EDARADD: variants seen among roughly 807,000 people sequenced by gnomAD.
EDARADD encodes ectodysplasin-A receptor-associated adapter protein.
Under a neutral mutation model 25.6 loss-of-function variants are expected in EDARADD, and 20 were observed. That is an observed-to-expected ratio of 0.78 (90% confidence interval 0.55 to 1.14). The LOEUF is 1.14. Ranked by LOEUF, EDARADD falls within the 50% of genes most tolerant of loss-of-function variation. The pLI is 0.00. For synonymous variants in EDARADD, 86 were observed against 94.4 expected (o/e 0.91, Z 0.52); for missense variants, 225 against 270.1 (o/e 0.83, Z 1.17).
intron 4 of EDARADD, among the ~76,000 whole-genome samples, chr1:236,429,198 G>GAGGGAGCGGGAA (rs1196367955): frequency 6.9e-6 from 1 of 145,828 alleles, no homozygotes; most frequent in Non-Finnish European, 1.5e-5. Context: ...GGGAGAGGGA[G>GAGGGAGCGGGAA]CGGGAGCGGG....
At chr1:236,409,026 G>T (rs191091798) in intron 1 of EDARADD, among the ~76,000 whole-genome samples, 190 bp from the exon 2 acceptor site, 1 of 149,920 alleles carries the variant, frequency 6.7e-6, no homozygotes, top group African/African-American at 2.5e-5. Context: ...CAAAGTGCTG[G>T]GATTACAGCA....
chr1:236,353,871 C>T (rs944518391), intron 3 of EDARADD, among the ~76,000 whole-genome samples: 1 of 151,956 alleles, frequency 6.6e-6, no homozygotes, highest in African/African-American at 2.4e-5. Flanking sequence ...AAAATGACAG[C>T]TCTTTCCTTA....
At chr1:236,430,808 A>G (rs547231359) in intron 4 of EDARADD, among the ~76,000 whole-genome samples, 3 of 152,350 alleles carry the variant, frequency 2.0e-5, no homozygotes, top group African/African-American at 7.2e-5. Context: ...ACTCCATTCT[A>G]TAGTTCAGAC....
chr1:236,458,313 G>A (rs549831640), intron 4 of EDARADD, among the ~76,000 whole-genome samples: 1 of 151,884 alleles, frequency 6.6e-6, no homozygotes, highest in Non-Finnish European at 1.5e-5. Context: ...AGTGCTGTGG[G>A]GTATCATTAA....
intron 3 of EDARADD, among the ~76,000 whole-genome samples, chr1:236,363,006 A>AAAAAAAAAAAATAT (rs1377112051): frequency 4.7e-5 from 2 of 42,950 alleles, no homozygotes; most frequent in African/African-American, 2.2e-4. Context: ...AAAAAAAAAA[A>AAAAAAAAAAAATAT]ATATATATAT....
chr1:236,383,032 T>C (rs1667318258), intron 3 of EDARADD, among the ~76,000 whole-genome samples: 1 of 152,156 alleles, frequency 6.6e-6, no homozygotes, highest in South Asian at 2.1e-4. Context: ...CTCTCAGTTC[T>C]AGCTCCTCAA....
At chr1:236,426,854 C>T (rs1342567549) in intron 3 of EDARADD, among the ~76,000 whole-genome samples, 1 of 152,162 alleles carries the variant, frequency 6.6e-6, no homozygotes, top group Non-Finnish European at 1.5e-5. Flanking sequence ...GCACTCCAGC[C>T]TGGATGACAG....
At chr1:236,396,404 T>G (rs532943453) in intron 1 of EDARADD, among the ~76,000 whole-genome samples, 4 of 152,352 alleles carry the variant, frequency 2.6e-5, no homozygotes, top group East Asian at 3.9e-4. Context: ...CACGAATGAA[T>G]GATCTATCCC....
At chr1:236,479,112 T>G (rs1659593926) in intron 5 of EDARADD, among the ~76,000 whole-genome samples, 1 of 152,052 alleles carries the variant, frequency 6.6e-6, no homozygotes, top group Admixed American at 6.6e-5. Context: ...AAATCACCAC[T>G]AATGAACTTA....
chr1:236,368,763 C>T (rs1337748552), intron 3 of EDARADD, among the ~76,000 whole-genome samples: 5 of 152,082 alleles, frequency 3.3e-5, no homozygotes, highest in Non-Finnish European at 7.4e-5. Flanking sequence ...TCTTACAACA[C>T]TTTTACCTCT....
chr1:236,467,059 C>T (rs957290180), intron 4 of EDARADD, among the ~76,000 whole-genome samples: 1 of 147,760 alleles, frequency 6.8e-6, no homozygotes, highest in South Asian at 2.1e-4. Flanking sequence ...GAGCAAGACT[C>T]CGTCTCAAAA....
intron 4 of EDARADD, among the ~76,000 whole-genome samples, chr1:236,452,501 CCT>C (rs1229638342): frequency 1.4e-5 from 2 of 143,244 alleles, no homozygotes; most frequent in African/African-American, 5.2e-5. Context: ...GCCGATCCCC[CCT>C]CTCTCTCTCT....
intron 2 of EDARADD, among the ~76,000 whole-genome samples, chr1:236,412,542 C>CCTCT (rs1386064856): frequency 6.6e-6 from 1 of 152,164 alleles, no homozygotes; most frequent in African/African-American, 2.4e-5. Context: ...ATCCCGCCTT[C>CCTCT]CTCTGTCCAC....
chr1:236,449,641 T>C (rs1315620393), intron 4 of EDARADD, among the ~76,000 whole-genome samples: 1 of 152,252 alleles, frequency 6.6e-6, no homozygotes, highest in Non-Finnish European at 1.5e-5. Context: ...CATTCTCTTT[T>C]GTTCTACTTC....
chr1:236,374,161 A>AT (rs1667199813), intron 3 of EDARADD, among the ~76,000 whole-genome samples: 1 of 151,834 alleles, frequency 6.6e-6, no homozygotes, highest in Admixed American at 6.6e-5. Flanking sequence ...AGTAGTCAAT[A>AT]GATATCAATA....
rs1024732136 is a variant in EDARADD at position 236,482,920 on chromosome 1, C to T, written c.*271C>T. 1.3e-5 allele frequency: 8 copies of T among 604,870 alleles called. No homozygotes were observed. The highest frequency in any genetic ancestry group is 1.4e-5 in the Non-Finnish European group (5 of 345,542). The allele number at this position is 604,870 out of a possible 1,614,324, so 37.5% of individuals were successfully genotyped here. A position where few individuals can be genotyped will look rare whatever the true frequency, so the allele number is the denominator to read the frequency against. ...CCTCTAAGGGCCAAAGTCCTACAAT[C>T]GGAATGGATTCATGCCACGTTGAAG... On this transcript the variant is annotated 3_prime_UTR_variant, in exon 6 of 6. Transcript: ENST00000334232.
At chr1:236,414,207 T>TC (rs1258910234) in intron 2 of EDARADD, 53 bp from the exon 3 acceptor site, 1 of 1,480,520 alleles carries the variant, frequency 6.8e-7, no homozygotes, top group African/African-American at 1.4e-5. Context: ...TCTTTTCACT[T>TC]TGATCTTACA....
rs1659738840 is a variant in EDARADD at position 236,483,431 on chromosome 1, G to A, written c.*782G>A. 2.7e-6 allele frequency: 3 copies of A among 1,128,662 alleles called. No homozygotes were observed. The highest frequency in any genetic ancestry group is 3.4e-5 in the Admixed American group (2 of 59,058). The allele number at this position is 1,128,662 out of a possible 1,614,324, so 69.9% of individuals were successfully genotyped here. ...AACTGAACGTCACAGAACAAGAGAA[G>A]ATTGACAAACTTATGATAGAGATGG... On this transcript the variant is annotated 3_prime_UTR_variant, in exon 6 of 6. Transcript: ENST00000334232.
chr1:236,422,707 C>A (rs145561130), intron 3 of EDARADD, among the ~76,000 whole-genome samples: 1 of 152,146 alleles, frequency 6.6e-6, no homozygotes, highest in Non-Finnish European at 1.5e-5. Context: ...CCCAGATAAC[C>A]TAGGAGTCTG....
Sources: gnomAD v4.1 joint callset for allele counts (sites outside exome capture counted in the v4.1 genomes callset) on GRCh38, gnomAD v4.1.1 for gene constraint, MANE v1.5 for transcripts, NCBI Gene and HGNC (gene_info 2026-07-23, HGNC 2026-07-21) for gene names.